CCBE1: variants seen among roughly 807,000 people sequenced by gnomAD.
CCBE1 encodes collagen and calcium-binding EGF domain-containing protein 1.
Under a neutral mutation model 50.0 loss-of-function variants are expected in CCBE1, and 37 were observed. The observed-to-expected ratio is 0.74, with a 90% CI of 0.57 to 0.97. The LOEUF (loss-of-function observed/expected upper bound fraction) is 0.97, where lower values mean the gene tolerates loss of function less well. CCBE1 is among the 50% of genes least tolerant of loss of function. CCBE1 has a pLI of 0.00. For missense variants in CCBE1, 538 were observed against 523.8 expected (o/e 1.03, Z -0.26); for synonymous variants, 234 against 203.7 (o/e 1.15, Z -1.27).
chr18:59,476,222 G>A lies in CCBE1; in HGVS notation c.265+3964C>T, dbSNP rs1415417648. On this transcript the variant is annotated intron_variant, in intron 3 of 10. Transcript: ENST00000439986. ...TGGTGCTTTTATGAAGATTAAATTG[G>A]ATGATGCCATTAAGCACTGTGCCCG... 2.0e-5 allele frequency among the ~76,000 whole-genome samples: 3 copies of A among 152,078 alleles called. No individual in the cohort carries two copies. The South Asian group carries it at 6.2e-4, about 32-fold the overall frequency.
chr18:59,697,320 C>A lies in CCBE1; in HGVS notation c.23G>T (p.Arg8Leu). The change falls in exon 1 of 11, where the codon CGG becomes CTG. Residue 8 changes from arginine (R) to leucine (L), a missense_variant. Coordinates refer to ENST00000439986, the MANE Select transcript of CCBE1 (RefSeq NM_133459.4). The stretch of plus-strand genomic sequence containing the variant: ...CAGCTGGCCCCTGGCAGCTCCTCCC[C>A]GGCTCGGAGGCGGCGGCACCATCAG... Reference protein sequence around the residue: MVPPPPSRGGAARGQLGR... With the variant: MVPPPPSLGGAARGQLGR... 1.3e-6 allele frequency: 2 copies of A among 1,548,574 alleles called. No homozygotes were observed. The highest frequency in any genetic ancestry group is 1.7e-6 in the Non-Finnish European group (2 of 1,146,880).
At chr18:59,471,348 T>C (rs2143739162) in intron 3 of CCBE1, among the ~76,000 whole-genome samples, 1 of 152,324 alleles carries the variant, frequency 6.6e-6, no homozygotes, top group Middle Eastern at 3.4e-3. Flanking sequence ...TGACTTCCAG[T>C]AACAGAAGAG....
intron 2 of CCBE1, among the ~76,000 whole-genome samples, chr18:59,541,988 G>A (rs1454364289): frequency 1.3e-5 from 2 of 152,044 alleles, no homozygotes; most frequent in Admixed American, 6.5e-5. Flanking sequence ...ACTGGCTTGG[G>A]CAACATGGTG....
intron 2 of CCBE1, among the ~76,000 whole-genome samples, chr18:59,641,397 G>A (rs1459640169): frequency 6.6e-6 from 1 of 152,038 alleles, no homozygotes; most frequent in African/African-American, 2.4e-5. Context: ...ACATCACATC[G>A]TGTCCATATG....
At chr18:59,443,408 G>A (rs1910527780) in intron 7 of CCBE1, among the ~76,000 whole-genome samples, 1 of 152,070 alleles carries the variant, frequency 6.6e-6, no homozygotes. Flanking sequence ...AGGGAAGAGA[G>A]AGTGGGGGCC....
intron 7 of CCBE1, among the ~76,000 whole-genome samples, chr18:59,444,318 A>AT (rs147064302): frequency 0.17 from 26,530 of 151,622 alleles, 2,438 homozygotes; most frequent in Non-Finnish European, 0.2. Flanking sequence ...ATATATATAC[A>AT]TTTTTTTTAG....
At chr18:59,485,475 G>A (rs760786477) in intron 2 of CCBE1, among the ~76,000 whole-genome samples, 17 of 151,964 alleles carry the variant, frequency 1.1e-4, no homozygotes, top group Non-Finnish European at 8.8e-5. Flanking sequence ...GAAAGGCCAA[G>A]TGAATTAGCA....
intron 2 of CCBE1, among the ~76,000 whole-genome samples, chr18:59,547,081 A>AC: frequency 3.5e-5 from 1 of 28,402 alleles, no homozygotes; most frequent in Non-Finnish European, 5.9e-5. Flanking sequence ...GGGGGAGAGA[A>AC]AGGGAGAGAG....
intron 2 of CCBE1, among the ~76,000 whole-genome samples, chr18:59,695,085 A>G (rs767337145): frequency 1.3e-5 from 2 of 152,206 alleles, no homozygotes; most frequent in Non-Finnish European, 2.9e-5. Context: ...CAGGCACCAA[A>G]TGGTTTCTGA....
chr18:59,442,974 G>T (rs1218703503), intron 7 of CCBE1, among the ~76,000 whole-genome samples: 1 of 151,152 alleles, frequency 6.6e-6, no homozygotes, highest in Non-Finnish European at 1.5e-5. Flanking sequence ...GCCCATCTCT[G>T]TAGAGGTTGA....
intron 3 of CCBE1, 139 bp from the exon 4 acceptor site, chr18:59,469,746 G>T: frequency 1.8e-6 from 2 of 1,108,478 alleles, no homozygotes; most frequent in Non-Finnish European, 1.4e-6. Flanking sequence ...GGAGGGACAG[G>T]AACTCTTTAG....
At chr18:59,579,477 G>A (rs2053052096) in intron 2 of CCBE1, among the ~76,000 whole-genome samples, 1 of 151,768 alleles carries the variant, frequency 6.6e-6, no homozygotes, top group African/African-American at 2.4e-5. Flanking sequence ...CCTAAGCATT[G>A]GGCACTTAAA....
chr18:59,535,702 C>A (rs1034573646), intron 2 of CCBE1, among the ~76,000 whole-genome samples: 8 of 152,074 alleles, frequency 5.3e-5, no homozygotes, highest in African/African-American at 1.7e-4. Flanking sequence ...ATGTATTAAA[C>A]AATGTAAAGC....
At chr18:59,468,098 G>T (rs903973307) in intron 4 of CCBE1, among the ~76,000 whole-genome samples, 1 of 152,186 alleles carries the variant, frequency 6.6e-6, no homozygotes, top group African/African-American at 2.4e-5. Flanking sequence ...CAAACAAAAA[G>T]AACAGGGGGC....
At chr18:59,521,130 A>G (rs59848743) in intron 2 of CCBE1, among the ~76,000 whole-genome samples, 6,077 of 152,324 alleles carry the variant, frequency 0.04, 171 homozygotes, top group African/African-American at 0.074. Context: ...CTTGTATTAT[A>G]TATTTGCATT....
chr18:59,643,848 T>C (rs919581698), intron 2 of CCBE1, among the ~76,000 whole-genome samples: 4 of 151,470 alleles, frequency 2.6e-5, no homozygotes, highest in African/African-American at 4.8e-5. Flanking sequence ...GGGGTGAGGT[T>C]GAACAGGTTT....
intron 2 of CCBE1, among the ~76,000 whole-genome samples, chr18:59,538,985 C>A (rs1915358372): frequency 6.6e-6 from 1 of 151,880 alleles, no homozygotes; most frequent in African/African-American, 2.4e-5. Flanking sequence ...TGAGACCAGC[C>A]TGGGCAACAT....
intron 7 of CCBE1, among the ~76,000 whole-genome samples, chr18:59,443,302 C>T (rs1173289535): frequency 1.3e-5 from 2 of 152,198 alleles, no homozygotes; most frequent in Non-Finnish European, 2.9e-5. Context: ...ACCTTGCTGG[C>T]TCAAGGGCCA....
At chr18:59,559,773 C>T (rs757295465) in intron 2 of CCBE1, among the ~76,000 whole-genome samples, 25 of 152,206 alleles carry the variant, frequency 1.6e-4, no homozygotes, top group Non-Finnish European at 2.8e-4. Context: ...TGTGTCTCTG[C>T]GTCTTGGCAT....
Sources: allele counts gnomAD v4.1 joint callset (sites outside exome capture counted in the v4.1 genomes callset), GRCh38; gene constraint gnomAD v4.1.1; transcripts MANE v1.5; gene names NCBI Gene and HGNC (gene_info 2026-07-23, HGNC 2026-07-21).